The following AGMO variants were observed in gnomAD, a reference collection of about 807,000 sequenced individuals.
The protein encoded by AGMO is glyceryl-ether monooxygenase.
AGMO carries 75 observed loss-of-function variants against 60.2 expected under a neutral mutation model. The ratio of observed to expected loss-of-function variants is 1.25; its 90% CI spans 1.03 to 1.51. The LOEUF (loss-of-function observed/expected upper bound fraction) is 1.51, where lower values mean the gene tolerates loss of function less well. AGMO is among the 40% of genes most tolerant of loss of function. The pLI, the probability that AGMO is intolerant of heterozygous loss-of-function variation, is 0.00. For missense variants in AGMO, 763 were observed against 525.5 expected (o/e 1.45, Z -4.42); for synonymous variants, 261 against 177.1 (o/e 1.47, Z -3.76).
At chr7:15,138,079 C>T in the AGMO span, among the ~76,000 whole-genome samples, 1 of 152,152 alleles carries the variant, frequency 6.6e-6, no homozygotes, top group Non-Finnish European at 1.5e-5. Flanking sequence ...CCTCAGCTCT[C>T]ATGTTCCTCC....
At chr7:15,186,990 A>G in the AGMO span, among the ~76,000 whole-genome samples, 1 of 152,198 alleles carries the variant, frequency 6.6e-6, no homozygotes, top group Non-Finnish European at 1.5e-5. Context: ...TGAAATAGAG[A>G]AGAAATTTAA....
intron 3 of AGMO, among the ~76,000 whole-genome samples, chr7:15,479,106 C>G (rs917040170): frequency 2.0e-5 from 3 of 152,042 alleles, no homozygotes; most frequent in East Asian, 1.9e-4. Flanking sequence ...TCTGCATAGA[C>G]AGTGCAAGGA....
At position 15,265,381 on chromosome 7, in the gene AGMO, C is replaced by T. The variant is rs557376852; in HGVS notation, c.1264-64022G>A. ...ACAGGATCGCTCAGACCCCAAGCCT[C>T]AGCATCACGCAGTATACCCATGTAA... On this transcript the variant is annotated intron_variant, in intron 12 of 12. Transcript: ENST00000342526. Among the ~76,000 whole-genome samples the T allele has an allele frequency of 3.9e-5, 6 of 152,096 alleles. No individual in the cohort carries two copies. In the South Asian group the frequency reaches 1.2e-3, roughly 32 times the overall value.
intron 12 of AGMO, among the ~76,000 whole-genome samples, chr7:15,317,916 TATACACACACGTATATATATATATAC>T (rs1464349340): frequency 1.2e-4 from 18 of 145,300 alleles, no homozygotes; most frequent in African/African-American, 4.9e-4. Flanking sequence ...CGTATATATA[TATACACACACGTATATATATATATAC>T]ACACACACAC....
chr7:15,410,612 G>A (rs1780563311), intron 5 of AGMO, among the ~76,000 whole-genome samples: 1 of 151,834 alleles, frequency 6.6e-6, no homozygotes, highest in Admixed American at 6.6e-5. Flanking sequence ...CCTAAGAGTG[G>A]TAAGTGACAT....
At chr7:15,384,872 T>C (rs1471383521) in intron 10 of AGMO, among the ~76,000 whole-genome samples, 1 of 150,898 alleles carries the variant, frequency 6.6e-6, no homozygotes, top group African/African-American at 2.4e-5. Context: ...TTATTTTTGC[T>C]CTTTCCAAAA....
chr7:15,406,098 T>C (rs1784677604), intron 5 of AGMO, among the ~76,000 whole-genome samples: 1 of 151,664 alleles, frequency 6.6e-6, no homozygotes, highest in African/African-American at 2.4e-5. Flanking sequence ...CTAACTTTGG[T>C]TCTTTATTTT....
rs540993278 is a variant in AGMO at position 15,441,969 on chromosome 7, T to C, written c.410-10861A>G. Among the ~76,000 whole-genome samples the C allele has an allele frequency of 5.2e-4, 79 of 152,292 alleles. 2 individuals are homozygous for C. The South Asian group carries it at 0.014, about 28-fold the overall frequency. Reference sequence around the variant, plus strand: ...CTTTGCTACTAATCAGGACTTCCTATTGGTCTTAACATTTGTCTTGGTGTC... The same window carrying C: ...CTTTGCTACTAATCAGGACTTCCTACTGGTCTTAACATTTGTCTTGGTGTC... On this transcript the variant is annotated intron_variant, in intron 3 of 12. Transcript: ENST00000342526.
chr7:15,239,895 T>C (rs1026485150), intron 12 of AGMO, among the ~76,000 whole-genome samples: 1 of 152,196 alleles, frequency 6.6e-6, no homozygotes, highest in Non-Finnish European at 1.5e-5. Context: ...GTCTAGGACA[T>C]GTAAGGACAC....
At chr7:15,146,748 G>GT in the AGMO span, among the ~76,000 whole-genome samples, 1 of 152,142 alleles carries the variant, frequency 6.6e-6, no homozygotes, top group South Asian at 2.1e-4. Flanking sequence ...ACAGATGCAA[G>GT]TATCACCATA....
At chr7:15,514,275 T>C (rs994731768) in intron 3 of AGMO, among the ~76,000 whole-genome samples, 1 of 152,206 alleles carries the variant, frequency 6.6e-6, no homozygotes, top group Non-Finnish European at 1.5e-5. Context: ...AGATTGACTA[T>C]GGTATCAATA....
chr7:15,479,178 G>A (rs567287384), intron 3 of AGMO, among the ~76,000 whole-genome samples: 8 of 152,148 alleles, frequency 5.3e-5, no homozygotes, highest in Non-Finnish European at 8.8e-5. Flanking sequence ...GATATAATTC[G>A]TGTGAAAAAG....
At chr7:15,375,525 T>G (rs1783415982) in intron 10 of AGMO, among the ~76,000 whole-genome samples, 1 of 151,068 alleles carries the variant, frequency 6.6e-6, no homozygotes, top group Admixed American at 6.6e-5. Flanking sequence ...GCCTCCAGAG[T>G]AGCTGGGATT....
At chr7:15,506,146 G>C (rs1211886474) in intron 3 of AGMO, among the ~76,000 whole-genome samples, 1 of 151,994 alleles carries the variant, frequency 6.6e-6, no homozygotes, top group Non-Finnish European at 1.5e-5. Flanking sequence ...AACAGACTTT[G>C]AACTCAGATA....
chr7:15,130,313 T>G, the AGMO span, among the ~76,000 whole-genome samples: 8 of 152,090 alleles, frequency 5.3e-5, no homozygotes, highest in Admixed American at 2.0e-4. Context: ...CCTTTTTTTT[T>G]CTGACAATAG....
At position 15,400,574 on chromosome 7, in the gene AGMO, G is replaced by A. The variant is rs944816382; in HGVS notation, c.610-6395C>T. On this transcript the variant is annotated intron_variant, in intron 5 of 12. Coordinates refer to ENST00000342526, the MANE Select transcript of AGMO (RefSeq NM_001004320.2). ...TGGTGAGAGGAATGTCGTAGGGAGT[G>A]AGTGTGGTGGTCATTACCAGGACCA... 5.9e-5 allele frequency among the ~76,000 whole-genome samples: 9 copies of A among 152,240 alleles called. No individual in the cohort carries two copies. The East Asian group carries it at 1.2e-3, about 20-fold the overall frequency.
At chr7:15,233,102 G>A (rs1207642987) in intron 12 of AGMO, among the ~76,000 whole-genome samples, 4 of 151,844 alleles carry the variant, frequency 2.6e-5, no homozygotes, top group Non-Finnish European at 5.9e-5. Context: ...TTAACTGTCC[G>A]CAAAAAAAGG....
At chr7:15,534,888 G>A (rs79411425) in intron 3 of AGMO, among the ~76,000 whole-genome samples, 2,182 of 151,698 alleles carry the variant, frequency 0.014, 54 homozygotes, top group African/African-American at 0.049. Flanking sequence ...AGAAAACATA[G>A]TAATATTTAT....
intron 12 of AGMO, among the ~76,000 whole-genome samples, chr7:15,309,105 CTAGTTATTCAT>C (rs1206391877): frequency 2.6e-5 from 4 of 152,126 alleles, no homozygotes; most frequent in Admixed American, 6.6e-5. Flanking sequence ...GTTCCTTAGA[CTAGTTATTCAT>C]TAAACACTCA....
Sources: gnomAD v4.1 joint callset for allele counts (sites outside exome capture counted in the v4.1 genomes callset) on GRCh38, gnomAD v4.1.1 for gene constraint, MANE v1.5 for transcripts, NCBI Gene and HGNC (gene_info 2026-07-23, HGNC 2026-07-21) for gene names.